Variants in TET2 observed in about 807,000 individuals in gnomAD.
The protein encoded by TET2 is methylcytosine dioxygenase TET2.
A neutral mutation model predicts 142.9 loss-of-function variants in TET2; 299 were observed. That is an observed-to-expected ratio of 2.09 (90% CI 1.90 to 2.30). TET2 has a LOEUF of 2.30. Ranked by LOEUF, TET2 falls within the 30% of genes most tolerant of loss-of-function variation. TET2 has a pLI of 0.00. For missense variants in TET2, 2,418 were observed against 2,378.0 expected, an observed-to-expected ratio of 1.02 and a Z score of -0.35; for synonymous variants, 819 against 849.0, an observed-to-expected ratio of 0.96 and a Z score of 0.61.
chr4:105,249,365 T>A (rs1218001741), intron 6 of TET2, among the ~76,000 whole-genome samples: 1 of 152,172 alleles, frequency 6.6e-6, no homozygotes, highest in Non-Finnish European at 1.5e-5. Flanking sequence ...GACATTTGGA[T>A]CGTTTCTACT....
At position 105,276,837 on chromosome 4, in the gene TET2, A is replaced by AT. The variant is rs1553918707; in HGVS notation, c.*319dup. 5.1e-3 allele frequency: 818 copies of AT among 161,572 alleles called. 31 individuals are homozygous for AT. Among genetic ancestry groups the AT allele is most frequent in the African/African-American group, 0.03 (661 of 21,898 alleles). The allele number at this position is 161,572 out of a possible 1,614,324, so 10.0% of individuals were successfully genotyped here. Reference sequence around the variant, plus strand: ...TTGGACGAGATGATATGTAAATGTGATCCCCCCCCCCCGCTTACAACTCTA... The same window carrying AT: ...TTGGACGAGATGATATGTAAATGTGATTCCCCCCCCCCCGCTTACAACTCTA... On this transcript the variant is annotated 3_prime_UTR_variant, in exon 11 of 11. Transcript: ENST00000380013.
In TET2 at chr4:105,276,020, C is replaced by T; in HGVS notation, c.5510C>T (p.Ala1837Val). The T allele has an allele frequency of 1.9e-6, 3 of 1,551,698 alleles. No individual in the cohort carries two copies. Among genetic ancestry groups the T allele is most frequent in the Non-Finnish European group, 2.6e-6 (3 of 1,146,988 alleles). ...KQPLALVQGV[A>V]SGAEDNDEVW... Reference sequence around the variant, plus strand: ...CCATTGGCACTAGTCCAGGGTGTGGCTTCTGGTGCAGAGGACAACGATGAG... The same window carrying T: ...CCATTGGCACTAGTCCAGGGTGTGGTTTCTGGTGCAGAGGACAACGATGAG... The change falls in exon 11 of 11, where the codon GCT becomes GTT. Residue 1837 changes from alanine (A) to valine (V), a missense_variant. Transcript: ENST00000380013.
intron 2 of TET2, among the ~76,000 whole-genome samples, chr4:105,216,689 A>G (rs188544615): frequency 1.1e-3 from 171 of 152,150 alleles, no homozygotes; most frequent in African/African-American, 2.0e-3. Flanking sequence ...TTCCTCTACA[A>G]TCCTGTTTTT....
At chr4:105,203,708 T>C (rs1355634931) in intron 2 of TET2, among the ~76,000 whole-genome samples, 1 of 152,168 alleles carries the variant, frequency 6.6e-6, no homozygotes, top group Non-Finnish European at 1.5e-5. Flanking sequence ...AATGCTGCCA[T>C]ACGGTAGGTA....
intron 4 of TET2, 181 bp downstream of exon 4, chr4:105,241,610 G>T: frequency 7.4e-7 from 1 of 1,358,484 alleles, no homozygotes; most frequent in South Asian, 2.1e-5. Context: ...CACAATATTT[G>T]ACAGGACTAA....
At chr4:105,200,804 G>C (rs1489836104) in intron 2 of TET2, among the ~76,000 whole-genome samples, 1 of 152,010 alleles carries the variant, frequency 6.6e-6, no homozygotes, top group Non-Finnish European at 1.5e-5. Flanking sequence ...GGGACTACAG[G>C]CACACACCAC....
chr4:105,198,000 C>T (rs1030963612), intron 2 of TET2, among the ~76,000 whole-genome samples: 1 of 152,046 alleles, frequency 6.6e-6, no homozygotes, highest in African/African-American at 2.4e-5. Flanking sequence ...AGAGTAGCAA[C>T]GTAGAAAAGC....
At chr4:105,242,758 A>G (rs1316096534) in intron 4 of TET2, 76 bp from the exon 5 acceptor site, 9 of 1,522,558 alleles carry the variant, frequency 5.9e-6, no homozygotes, top group African/African-American at 4.2e-5. Context: ...TTATGCTCAA[A>G]TGTTCAAATA....
At chr4:105,238,425 T>G (rs114672787) in intron 3 of TET2, 12,051 of 243,956 alleles carry the variant, frequency 0.049, 421 homozygotes, top group Non-Finnish European at 0.06. Flanking sequence ...CAGAATTTCT[T>G]TGAAAATTGG....
chr4:105,229,777 T>C (rs1211981133), intron 2 of TET2, among the ~76,000 whole-genome samples: 1 of 152,096 alleles, frequency 6.6e-6, no homozygotes, highest in Non-Finnish European at 1.5e-5. Context: ...AGAGATGATT[T>C]TTTTTTATTT....
chr4:105,205,752 C>G (rs1578617842), intron 2 of TET2, among the ~76,000 whole-genome samples: 1 of 152,232 alleles, frequency 6.6e-6, no homozygotes, highest in South Asian at 2.1e-4. Context: ...CTGCCTCAGC[C>G]TCCCGAGTAG....
In TET2 at chr4:105,235,895, C is replaced by A; in HGVS notation, c.1953C>A (p.Leu651=). ...GQSQGTVDQH[L]QFQKPSHQVH... ...CCCAAGGTACAGTGGACCAACATCT[C>A]CAGTTCCAAAAACCCTCACACCAGG... Residue 651 remains leucine, a synonymous_variant, in exon 3 of 11, where the codon CTC becomes CTA. Coordinates refer to ENST00000380013, the MANE Select transcript of TET2 (RefSeq NM_001127208.3). 1 of 1,614,082 alleles carries A rather than the reference C, an allele frequency of 6.2e-7. No individual in the cohort carries two copies. The highest frequency in any genetic ancestry group is 1.1e-5 in the South Asian group (1 of 91,078).
At position 105,234,134 on chromosome 4, in the gene TET2, C is replaced by T. The variant is rs1163478078; in HGVS notation, c.192C>T (p.Pro64=). 1.2e-6 allele frequency: 2 copies of T among 1,614,152 alleles called. No homozygotes were observed. The highest frequency in any genetic ancestry group is 1.7e-6 in the Non-Finnish European group (2 of 1,180,002). Residue 64 remains proline, a synonymous_variant, in exon 3 of 11, where the codon CCC becomes CCT. Transcript: ENST00000380013. Reference sequence around the variant, plus strand: ...CTTTCAAAAGTTATTATGGAATACCCTGTATGAAGGGAAGCCAGAATAGTC... The same window carrying T: ...CTTTCAAAAGTTATTATGGAATACCTTGTATGAAGGGAAGCCAGAATAGTC... ...WHSFKSYYGI[P]CMKGSQNSRV...
chr4:105,273,046 A>G, intron 10 of TET2, 128 bp downstream of exon 10: 1 of 704,224 alleles, frequency 1.4e-6, no homozygotes, highest in Admixed American at 2.9e-5. Flanking sequence ...CAGGTTTGTT[A>G]TACAGGTAAA....
chr4:105,245,168 T>C (rs989754983), intron 6 of TET2, among the ~76,000 whole-genome samples: 2 of 152,242 alleles, frequency 1.3e-5, no homozygotes, highest in African/African-American at 2.4e-5. Context: ...TTAGAAAAGT[T>C]ACTCTTTCTA....
chr4:105,236,930 A>G lies in TET2; in HGVS notation c.2988A>G (p.Ala996=), dbSNP rs1560547306. ...GCKPHACMHT[A]PPENKTWKKV... is the part of the protein sequence containing the mutation. Reference sequence around the variant, plus strand: ...AGCCACATGCCTGTATGCACACAGCACCACCAGAAAACAAAACATGGAAAA... The same window carrying G: ...AGCCACATGCCTGTATGCACACAGCGCCACCAGAAAACAAAACATGGAAAA... Residue 996 remains alanine (A), a synonymous_variant, in exon 3 of 11, where the codon GCA becomes GCG. Transcript: ENST00000380013. 3.1e-6 allele frequency: 5 copies of G among 1,614,144 alleles called. No individual in the cohort carries two copies. Among genetic ancestry groups the G allele is most frequent in the Non-Finnish European group, 3.4e-6 (4 of 1,180,032 alleles).
At chr4:105,163,851 G>C (rs1468857719) in intron 1 of TET2, among the ~76,000 whole-genome samples, 100 of 135,760 alleles carry the variant, frequency 7.4e-4, no homozygotes, top group African/African-American at 2.7e-3. Context: ...GAGAGAGAGA[G>C]AGAGTGTGTG....
intron 2 of TET2, among the ~76,000 whole-genome samples, chr4:105,215,460 A>G (rs556418080): frequency 1.3e-5 from 2 of 152,310 alleles, no homozygotes; most frequent in East Asian, 3.9e-4. Flanking sequence ...ATTATTATTC[A>G]GCACATTATA....
chr4:105,195,117 G>T (rs908579368), intron 2 of TET2, among the ~76,000 whole-genome samples: 2 of 152,108 alleles, frequency 1.3e-5, no homozygotes, highest in Admixed American at 1.3e-4. Context: ...AACAAGTAAA[G>T]CATGCTAAAA....
Sources: gnomAD v4.1 joint callset for allele counts (sites outside exome capture counted in the v4.1 genomes callset) on GRCh38, gnomAD v4.1.1 for gene constraint, MANE v1.5 for transcripts, NCBI Gene and HGNC (gene_info 2026-07-23, HGNC 2026-07-21) for gene names.